Variants in NTM observed in about 807,000 individuals in gnomAD.
NTM encodes the protein neurotrimin.
In NTM, 13 loss-of-function variants were observed where a neutral mutation model predicts 42.1. The observed-to-expected ratio is 0.31, with a 90% CI of 0.20 to 0.49. The LOEUF is 0.49. Among genes scored for constraint, NTM ranks in the 20% least tolerant of loss-of-function variants. The pLI is 0.99. For synonymous variants in NTM, 187 were observed against 179.2 expected, an observed-to-expected ratio of 1.04 and a Z score of -0.35; for missense variants, 373 against 452.8, an observed-to-expected ratio of 0.82 and a Z score of 1.60.
intron 2 of NTM, among the ~76,000 whole-genome samples, chr11:132,007,158 ATGT>A (rs749363568): frequency 6.2e-4 from 95 of 152,292 alleles, no homozygotes; most frequent in Non-Finnish European, 1.0e-3. Context: ...TGAGACTTTC[ATGT>A]TGTTGACGAT....
chr11:131,626,635 A>G (rs1313319085), intron 1 of NTM, among the ~76,000 whole-genome samples: 2 of 152,224 alleles, frequency 1.3e-5, no homozygotes, highest in Non-Finnish European at 2.9e-5. Flanking sequence ...AGGGGAAAAC[A>G]GGCATTAATT....
rs79047186 is a variant in NTM, at chr11:131,791,771, G to T, written c.83-119793G>T. ...CTGAGTGAGTCAGTGATTAAATGAA[G>T]AGACCCTTAGAAGACGAAGTGTTAC... On this transcript the variant is annotated intron_variant, in intron 1 of 8. Transcript: ENST00000683400. Among the ~76,000 whole-genome samples, 139 of 152,352 alleles carry T rather than the reference G, an allele frequency of 9.1e-4. 1 individual carries two copies. The highest frequency in any genetic ancestry group is 3.2e-3 in the African/African-American group (133 of 41,592).
chr11:131,697,480 C>T (rs1466644011), intron 1 of NTM, among the ~76,000 whole-genome samples: 1 of 152,370 alleles, frequency 6.6e-6, no homozygotes, highest in Non-Finnish European at 1.5e-5. Flanking sequence ...TCTCAGCCCT[C>T]TTTCTGAAGC....
chr11:131,397,627 T>C (rs1349218260), intron 1 of NTM, among the ~76,000 whole-genome samples: 1 of 152,236 alleles, frequency 6.6e-6, no homozygotes, highest in Non-Finnish European at 1.5e-5. Flanking sequence ...TGGCATGAGT[T>C]ATAACTAGTG....
In NTM at chr11:131,459,663, A is replaced by T. The variant is rs1347400211; in HGVS notation, c.82+88775A>T. ...AGAAATTTAGTAAATTTCATGTTTTAAATCTAAGCACGGTCCTGGGTGGTG... is the reference window on the plus strand; with the variant it reads ...AGAAATTTAGTAAATTTCATGTTTTTAATCTAAGCACGGTCCTGGGTGGTG... On this transcript the variant is annotated intron_variant, in intron 1 of 8. Coordinates refer to ENST00000683400, the MANE Select transcript of NTM (RefSeq NM_001352005.2). Among the ~76,000 whole-genome samples, 3 of 151,676 alleles carry T rather than the reference A, an allele frequency of 2.0e-5. No homozygotes were observed. The East Asian group carries it at 5.8e-4, about 29-fold the overall frequency.
chr11:131,858,142 T>C (rs2046288070), intron 1 of NTM, among the ~76,000 whole-genome samples: 1 of 152,200 alleles, frequency 6.6e-6, no homozygotes, highest in Non-Finnish European at 1.5e-5. Context: ...TACATGCTAT[T>C]GTGTTTGCTT....
At position 131,788,551 on chromosome 11, in the gene NTM, C is replaced by T. The variant is rs7945706; in HGVS notation, c.83-123013C>T. Among the ~76,000 whole-genome samples the T allele has an allele frequency of 2.6e-3, 402 of 152,208 alleles. 5 individuals carry two copies. Among genetic ancestry groups the T allele is most frequent in the African/African-American group, 8.9e-3 (371 of 41,532 alleles). ...TTATTAACAGTTATAGTCTTCCGTG[C>T]TGACACAATCAGACGTGTTTTCTCT... On this transcript the variant is annotated intron_variant, in intron 1 of 8. Transcript: ENST00000683400.
At chr11:132,064,855 C>A (rs2081205231) in intron 2 of NTM, among the ~76,000 whole-genome samples, 1 of 152,178 alleles carries the variant, frequency 6.6e-6, no homozygotes, top group Admixed American at 6.5e-5. Context: ...AATGAATAAA[C>A]ATTTCAAACA....
chr11:131,489,457 A>G (rs1161693275), intron 1 of NTM, among the ~76,000 whole-genome samples: 1 of 152,228 alleles, frequency 6.6e-6, no homozygotes, highest in African/African-American at 2.4e-5. Flanking sequence ...TCTTTCAGCA[A>G]CTAACCTCTC....
intron 8 of NTM, among the ~76,000 whole-genome samples, chr11:132,334,095 G>T (rs1182522102): frequency 6.6e-6 from 1 of 152,212 alleles, no homozygotes; most frequent in Non-Finnish European, 1.5e-5. Context: ...GAGGTGGCCT[G>T]GTTCCTTGAG....
At chr11:131,475,262 A>G in intron 1 of NTM, among the ~76,000 whole-genome samples, 1 of 152,208 alleles carries the variant, frequency 6.6e-6, no homozygotes. Flanking sequence ...GGCTTGAGGA[A>G]GCTGATAACT....
chr11:132,238,527 C>CAGA (rs2089543196), intron 4 of NTM, among the ~76,000 whole-genome samples: 2 of 152,006 alleles, frequency 1.3e-5, no homozygotes, highest in Admixed American at 6.6e-5. Context: ...CCACAATAGA[C>CAGA]AGAAGACAGA....
At chr11:132,321,077 A>G (rs1328137096) in intron 7 of NTM, among the ~76,000 whole-genome samples, 1 of 152,102 alleles carries the variant, frequency 6.6e-6, no homozygotes, top group Admixed American at 6.5e-5. Context: ...AGATGGGGAA[A>G]AAACAGAACA....
chr11:131,926,663 G>A (rs920532422), intron 2 of NTM, among the ~76,000 whole-genome samples: 2 of 152,198 alleles, frequency 1.3e-5, no homozygotes, highest in South Asian at 4.1e-4. Context: ...CTCAGGAGAT[G>A]GGAATTAAAT....
intron 1 of NTM, among the ~76,000 whole-genome samples, chr11:131,884,349 C>A (rs1266861434): frequency 6.6e-6 from 1 of 152,014 alleles, no homozygotes; most frequent in Non-Finnish European, 1.5e-5. Context: ...GCAGAAGTTG[C>A]AGTGAGCAGA....
chr11:131,627,213 G>T (rs1264903922), intron 1 of NTM, among the ~76,000 whole-genome samples: 3 of 150,986 alleles, frequency 2.0e-5, no homozygotes, highest in Non-Finnish European at 4.4e-5. Flanking sequence ...AAAGCAGGCG[G>T]CTTTTATTTA....
intron 2 of NTM, among the ~76,000 whole-genome samples, chr11:131,952,398 C>T (rs1217944323): frequency 6.6e-6 from 1 of 152,168 alleles, no homozygotes; most frequent in East Asian, 1.9e-4. Flanking sequence ...TTTGTGTGTG[C>T]ACACATATAT....
intron 1 of NTM, among the ~76,000 whole-genome samples, chr11:131,698,140 T>A (rs2075674705): frequency 6.6e-6 from 1 of 152,150 alleles, no homozygotes; most frequent in Admixed American, 6.5e-5. Flanking sequence ...TTTTTTCTAA[T>A]TCAACTTTTA....
chr11:131,696,985 G>A (rs755040239), intron 1 of NTM, among the ~76,000 whole-genome samples: 19 of 152,186 alleles, frequency 1.2e-4, no homozygotes, highest in African/African-American at 1.7e-4. Context: ...AACCCGTTTC[G>A]TTAGTGGAAT....
Sources: allele counts gnomAD v4.1 joint callset (sites outside exome capture counted in the v4.1 genomes callset), GRCh38; gene constraint gnomAD v4.1.1; transcripts MANE v1.5; gene names NCBI Gene and HGNC (gene_info 2026-07-23, HGNC 2026-07-21).